The following UNC5D variants were observed in gnomAD, a reference collection of about 807,000 sequenced individuals.
UNC5D encodes unc-5 netrin receptor D, also known as netrin receptor UNC5D.
UNC5D carries 39 observed loss-of-function variants against 105.4 expected under a neutral mutation model. The ratio of observed to expected loss-of-function variants is 0.37; its 90% confidence interval spans 0.29 to 0.48. UNC5D has a LOEUF of 0.48. Among genes scored for constraint, UNC5D ranks in the 20% least tolerant of loss-of-function variants. UNC5D has a pLI of 0.98. For missense variants in UNC5D, 991 were observed against 1,202.4 expected (o/e 0.82, Z 2.60); for synonymous variants, 452 against 450.4 (o/e 1.00, Z -0.04).
At chr8:35,554,196 T>C (rs1816368460) in intron 2 of UNC5D, among the ~76,000 whole-genome samples, 1 of 152,212 alleles carries the variant, frequency 6.6e-6, no homozygotes, top group Admixed American at 6.5e-5. Flanking sequence ...CCTTTGGTCT[T>C]TCTGGTAATT....
intron 4 of UNC5D, among the ~76,000 whole-genome samples, chr8:35,644,968 AT>A (rs1274979326): frequency 6.6e-6 from 1 of 152,170 alleles, no homozygotes; most frequent in Non-Finnish European, 1.5e-5. Flanking sequence ...GGGACTCTAA[AT>A]AAAGGTCTTT....
chr8:35,565,285 T>C (rs962514568), intron 2 of UNC5D, among the ~76,000 whole-genome samples: 1 of 152,146 alleles, frequency 6.6e-6, no homozygotes, highest in African/African-American at 2.4e-5. Context: ...GTCATTTTGA[T>C]TGGGGTAAGG....
intron 1 of UNC5D, chr8:35,544,270 C>T: frequency 8.9e-7 from 1 of 1,128,914 alleles, no homozygotes; most frequent in Non-Finnish European, 1.2e-6. Flanking sequence ...TCCTGAACAG[C>T]TGATGGCATT....
intron 7 of UNC5D, among the ~76,000 whole-genome samples, chr8:35,690,347 C>G (rs987152746): frequency 6.6e-6 from 1 of 152,130 alleles, no homozygotes; most frequent in African/African-American, 2.4e-5. Flanking sequence ...AAATGAGTAA[C>G]ACCAGACATG....
rs181078074 is a variant in UNC5D, at chr8:35,704,361, G to A, written c.1085-1568G>A. 3.7e-4 allele frequency among the ~76,000 whole-genome samples: 56 copies of A among 152,306 alleles called. 2 individuals are homozygous for A. The highest frequency in any genetic ancestry group is 1.3e-3 in the African/African-American group (54 of 41,570). ...GTTAAATGCAGGAGTGAGTTAGGGT[G>A]AGAAAGACTCTATGGAGAACTCAGA... On this transcript the variant is annotated intron_variant, in intron 7 of 16. Coordinates refer to ENST00000404895, the MANE Select transcript of UNC5D (RefSeq NM_080872.4).
rs189658923 is a variant in UNC5D, at chr8:35,563,065, G to A, written c.323-5033G>A. On this transcript the variant is annotated intron_variant, in intron 2 of 16. Transcript: ENST00000404895. ...CATTTATTGAAGATACTATCCTTTC[G>A]TCAGAGTTCTTGGTGCCATTCAGAG... Among the ~76,000 whole-genome samples, 7 of 151,740 alleles carry A rather than the reference G, an allele frequency of 4.6e-5. No homozygotes were observed. The East Asian group carries it at 7.8e-4, about 17-fold the overall frequency.
At chr8:35,276,335 T>C (rs1371797702) in intron 1 of UNC5D, among the ~76,000 whole-genome samples, 2 of 152,172 alleles carry the variant, frequency 1.3e-5, no homozygotes, top group Non-Finnish European at 2.9e-5. Context: ...AAGAGTTGAC[T>C]GGAAGTTAAT....
chr8:35,389,609 GC>G (rs1803645060), intron 1 of UNC5D, among the ~76,000 whole-genome samples: 1 of 151,946 alleles, frequency 6.6e-6, no homozygotes, highest in South Asian at 2.1e-4. Context: ...TAAATAACTT[GC>G]CCTTTCATTC....
intron 1 of UNC5D, among the ~76,000 whole-genome samples, chr8:35,531,036 T>TTA (rs1814326945): frequency 1.3e-5 from 2 of 150,980 alleles, no homozygotes; most frequent in Non-Finnish European, 2.9e-5. Flanking sequence ...TTTTTGTGTC[T>TTA]CTATTTCCTT....
chr8:35,731,399 C>CCAAAAAA (rs1280974908), intron 11 of UNC5D, among the ~76,000 whole-genome samples: 13 of 30,654 alleles, frequency 4.2e-4, no homozygotes, highest in African/African-American at 8.3e-4. Context: ...ACTCTGTCTC[C>CCAAAAAA]AAAAAAAAAA....
At chr8:35,347,730 G>A (rs184127330) in intron 1 of UNC5D, among the ~76,000 whole-genome samples, 14 of 152,104 alleles carry the variant, frequency 9.2e-5, no homozygotes, top group Middle Eastern at 3.4e-3. Flanking sequence ...CAGGCCTCAA[G>A]ATCGGTGCTC....
At chr8:35,396,023 G>T (rs1243388337) in intron 1 of UNC5D, among the ~76,000 whole-genome samples, 2 of 152,130 alleles carry the variant, frequency 1.3e-5, no homozygotes, top group East Asian at 1.9e-4. Flanking sequence ...TGAGCCATGG[G>T]AATACCAATT....
chr8:35,735,114 C>G (rs530626236), intron 11 of UNC5D, among the ~76,000 whole-genome samples: 1 of 152,230 alleles, frequency 6.6e-6, no homozygotes, highest in Admixed American at 6.5e-5. Flanking sequence ...AGTATTCAAA[C>G]AGGATTAAAA....
intron 3 of UNC5D, among the ~76,000 whole-genome samples, chr8:35,585,235 A>G (rs1818708669): frequency 6.6e-6 from 1 of 152,134 alleles, no homozygotes; most frequent in African/African-American, 2.4e-5. Flanking sequence ...AAGGGATCTC[A>G]CAAAGGCCCA....
At chr8:35,626,264 T>TA (rs1432861255) in intron 4 of UNC5D, among the ~76,000 whole-genome samples, 1 of 151,978 alleles carries the variant, frequency 6.6e-6, no homozygotes, top group East Asian at 1.9e-4. Context: ...AAACTCTATA[T>TA]ATTATTCTTA....
At chr8:35,690,422 A>C (rs1826310231) in intron 7 of UNC5D, among the ~76,000 whole-genome samples, 1 of 152,064 alleles carries the variant, frequency 6.6e-6, no homozygotes. Context: ...TGAGTCCAAG[A>C]GTTCAAGACC....
intron 1 of UNC5D, among the ~76,000 whole-genome samples, chr8:35,437,349 C>G (rs1216458847): frequency 2.0e-5 from 3 of 151,734 alleles, no homozygotes; most frequent in Non-Finnish European, 4.4e-5. Context: ...TGGTACATCT[C>G]TAAGATAAAA....
intron 2 of UNC5D, among the ~76,000 whole-genome samples, chr8:35,561,282 C>T (rs572442952): frequency 6.6e-6 from 1 of 152,244 alleles, no homozygotes; most frequent in African/African-American, 2.4e-5. Context: ...GCCACAGAGC[C>T]CACTGACATT....
intron 1 of UNC5D, among the ~76,000 whole-genome samples, chr8:35,501,827 G>A (rs1811990484): frequency 6.6e-6 from 1 of 152,106 alleles, no homozygotes; most frequent in Admixed American, 6.5e-5. Flanking sequence ...TGCTTTATTT[G>A]ATGTGTTAAC....
Sources: gnomAD v4.1 joint callset for allele counts (sites outside exome capture counted in the v4.1 genomes callset) on GRCh38, gnomAD v4.1.1 for gene constraint, MANE v1.5 for transcripts, NCBI Gene and HGNC (gene_info 2026-07-23, HGNC 2026-07-21) for gene names.